Variants in CADM2 observed in about 807,000 individuals in gnomAD.
The protein encoded by CADM2 is immunoglobulin superfamily member 4D.
CADM2 carries 12 observed loss-of-function variants against 49.8 expected under a neutral mutation model. The ratio of observed to expected loss-of-function variants is 0.24; its 90% CI spans 0.15 to 0.39. The LOEUF (loss-of-function observed/expected upper bound fraction) is 0.39. CADM2 is among the 10% of genes least tolerant of loss of function. The pLI, the probability that CADM2 is intolerant of heterozygous loss-of-function variation, is 1.00. For missense variants in CADM2, 378 were observed against 492.3 expected, an observed-to-expected ratio of 0.77 and a Z score of 2.20; for synonymous variants, 214 against 175.4, an observed-to-expected ratio of 1.22 and a Z score of -1.74.
chr3:85,224,239 A>G (rs2042102475), intron 1 of CADM2, among the ~76,000 whole-genome samples: 2 of 152,112 alleles, frequency 1.3e-5, no homozygotes, highest in African/African-American at 4.8e-5. Flanking sequence ...AAGCATTGCT[A>G]TTTCTCCACA....
intron 1 of CADM2, among the ~76,000 whole-genome samples, chr3:85,690,172 ACT>A (rs2066339445): frequency 5.3e-5 from 8 of 152,048 alleles, no homozygotes; most frequent in Admixed American, 4.6e-4. Context: ...CAGCAGAATG[ACT>A]CTATCTCTAG....
intron 1 of CADM2, among the ~76,000 whole-genome samples, chr3:85,423,359 A>G (rs1395927353): frequency 2.0e-5 from 3 of 152,086 alleles, no homozygotes; most frequent in Admixed American, 1.3e-4. Context: ...GCCTGTTCTC[A>G]TTTAGGGCCA....
intron 1 of CADM2, among the ~76,000 whole-genome samples, chr3:85,643,674 CT>C (rs1244915849): frequency 1.3e-5 from 2 of 151,946 alleles, no homozygotes; most frequent in Non-Finnish European, 2.9e-5. Context: ...CCTGACAATA[CT>C]TTTTTTGGCA....
chr3:86,064,682 G>A (rs976401430), intron 8 of CADM2, among the ~76,000 whole-genome samples: 2 of 152,100 alleles, frequency 1.3e-5, no homozygotes, highest in South Asian at 2.1e-4. Flanking sequence ...TCAGAGAAAT[G>A]CAAATCAAAA....
chr3:84,986,090 T>A (rs1184406905), intron 1 of CADM2, among the ~76,000 whole-genome samples: 1 of 152,188 alleles, frequency 6.6e-6, no homozygotes, highest in African/African-American at 2.4e-5. Context: ...TCAAGACATT[T>A]AACATAGAGA....
chr3:85,179,181 C>T (rs2040861654), intron 1 of CADM2, among the ~76,000 whole-genome samples: 1 of 151,966 alleles, frequency 6.6e-6, no homozygotes, highest in African/African-American at 2.4e-5. Context: ...GTGTTCTTTT[C>T]AGTTTCTCCT....
At chr3:85,178,944 A>T (rs551032151) in intron 1 of CADM2, among the ~76,000 whole-genome samples, 8 of 151,950 alleles carry the variant, frequency 5.3e-5, no homozygotes, top group African/African-American at 1.9e-4. Flanking sequence ...GATAAAAATA[A>T]AACTTAAAAT....
intron 1 of CADM2, among the ~76,000 whole-genome samples, chr3:85,207,070 G>GTGTT (rs2041661612): frequency 6.6e-6 from 1 of 151,776 alleles, no homozygotes; most frequent in Non-Finnish European, 1.5e-5. Flanking sequence ...GTGTGTGTGT[G>GTGTT]TGTGTGTGTG....
intron 1 of CADM2, among the ~76,000 whole-genome samples, chr3:85,507,904 T>C (rs1034079750): frequency 3.2e-5 from 4 of 123,092 alleles, no homozygotes; most frequent in Non-Finnish European, 5.4e-5. Flanking sequence ...AAAAGTGCAG[T>C]TACTGTTTAC....
chr3:85,824,459 T>C (rs1410678704), intron 3 of CADM2, among the ~76,000 whole-genome samples: 1 of 151,832 alleles, frequency 6.6e-6, no homozygotes, highest in African/African-American at 2.4e-5. Context: ...CACAAAGTGC[T>C]GTGAAAGGTG....
At chr3:85,714,244 A>T (rs1213184917) in intron 1 of CADM2, among the ~76,000 whole-genome samples, 2 of 152,164 alleles carry the variant, frequency 1.3e-5, no homozygotes, top group African/African-American at 4.8e-5. Context: ...CTAGTAATAA[A>T]GAGTTAGGAA....
In CADM2 at chr3:85,614,117, AAAGATTAGTAAATCCAAGTGT is replaced by A. The variant is rs2063741802; in HGVS notation, c.62-112403_62-112383del. 2.0e-5 allele frequency among the ~76,000 whole-genome samples: 3 copies of A among 151,830 alleles called. 1 individual carries two copies. The highest frequency in any genetic ancestry group is 2.0e-4 in the Admixed American group (3 of 15,188). ...AAAGATAATAATACACAGACAATAA[AAAGATTAGTAAATCCAAGTGT>A]ATTGGTATGAAGATATATTCACCAC... On this transcript the variant is annotated intron_variant, in intron 1 of 9. Transcript: ENST00000383699.
chr3:85,441,482 A>T (rs1225505247), intron 1 of CADM2, among the ~76,000 whole-genome samples: 1 of 152,106 alleles, frequency 6.6e-6, no homozygotes, highest in Non-Finnish European at 1.5e-5. Context: ...AGAGAGTCAT[A>T]TTTGAAATAT....
At chr3:85,545,607 T>C (rs1354447799) in intron 1 of CADM2, among the ~76,000 whole-genome samples, 2 of 152,160 alleles carry the variant, frequency 1.3e-5, no homozygotes, top group Non-Finnish European at 2.9e-5. Flanking sequence ...GATTTAAATA[T>C]CATGTTTCCT....
chr3:85,226,513 T>G lies in CADM2; in HGVS notation c.61+266845T>G, dbSNP rs192519179. ...TCGCACCTATTTGATTCTTCTCTCT[T>G]CTCTTCTTTATTAGTCTGGCTAGTG... On this transcript the variant is annotated intron_variant, in intron 1 of 9. Transcript: ENST00000383699. Among the ~76,000 whole-genome samples, 379 of 152,250 alleles carry G rather than the reference T, an allele frequency of 2.5e-3. 2 individuals are homozygous for G. The highest frequency in any genetic ancestry group is 8.8e-3 in the African/African-American group (367 of 41,550).
intron 3 of CADM2, among the ~76,000 whole-genome samples, chr3:85,819,191 A>G (rs2073400766): frequency 6.6e-6 from 1 of 152,196 alleles, no homozygotes; most frequent in African/African-American, 2.4e-5. Flanking sequence ...GAAAGCCAGA[A>G]GACTCAGCAA....
intron 3 of CADM2, among the ~76,000 whole-genome samples, chr3:85,854,378 C>T (rs901099906): frequency 6.6e-6 from 1 of 152,110 alleles, no homozygotes; most frequent in Non-Finnish European, 1.5e-5. Context: ...TGGAACCAAC[C>T]CAAATGCCCA....
At chr3:85,287,697 C>T (rs1329751120) in intron 1 of CADM2, among the ~76,000 whole-genome samples, 1 of 152,074 alleles carries the variant, frequency 6.6e-6, no homozygotes, top group South Asian at 2.1e-4. Context: ...AAATATTTCA[C>T]TTTTAATGAT....
chr3:85,933,991 A>G (rs1022772826), intron 6 of CADM2, among the ~76,000 whole-genome samples: 4 of 152,084 alleles, frequency 2.6e-5, no homozygotes, highest in Non-Finnish European at 5.9e-5. Context: ...ACATCCTCGC[A>G]TTAACACTCA....
Sources: allele counts gnomAD v4.1 joint callset (sites outside exome capture counted in the v4.1 genomes callset), GRCh38; gene constraint gnomAD v4.1.1; transcripts MANE v1.5; gene names NCBI Gene and HGNC (gene_info 2026-07-23, HGNC 2026-07-21).